FBXL14: variants seen among roughly 807,000 people sequenced by gnomAD.
FBXL14 encodes the protein F-box/LRR-repeat protein 14.
A neutral mutation model predicts 24.5 loss-of-function variants in FBXL14; 11 were observed. The ratio of observed to expected loss-of-function variants is 0.45; its 90% CI spans 0.28 to 0.74. The LOEUF is 0.74. Among genes scored for constraint, FBXL14 ranks in the 30% least tolerant of loss-of-function variants. FBXL14 has a pLI of 0.12. For missense variants in FBXL14, 384 were observed against 545.6 expected, an observed-to-expected ratio of 0.70 and a Z score of 2.95; for synonymous variants, 294 against 240.4, an observed-to-expected ratio of 1.22 and a Z score of -2.06.
At chr12:1,580,291 A>G (rs1032280020) in intron 1 of FBXL14, among the ~76,000 whole-genome samples, 1 of 152,184 alleles carries the variant, frequency 6.6e-6, no homozygotes, top group African/African-American at 2.4e-5. Context: ...AGGTTAATGA[A>G]TGGGTGCTCT....
Position 1,594,104 on chromosome 12 carries a change from G to C in FBXL14, c.-38C>G. The C allele has an allele frequency of 7.4e-7, 1 of 1,342,798 alleles. No individual in the cohort carries two copies. The highest frequency in any genetic ancestry group is 9.5e-7 in the Non-Finnish European group (1 of 1,051,964). 83.2% of individuals were successfully genotyped at this position (1,342,798 alleles called of 1,614,324 possible). On this transcript the variant is annotated 5_prime_UTR_variant, in exon 1 of 2. Coordinates refer to ENST00000339235, the MANE Select transcript of FBXL14 (RefSeq NM_152441.3). ...CCCTCCGCGGCGCTGGGGGGAGGAGGCGCGGGCCCCGCCGCTCCGGCCTCG... is the reference window on the plus strand; with the variant it reads ...CCCTCCGCGGCGCTGGGGGGAGGAGCCGCGGGCCCCGCCGCTCCGGCCTCG...
At position 1,579,023 on chromosome 12, in the gene FBXL14, C is replaced by T. The variant is rs553802283; in HGVS notation, c.1195-12213G>A. Among the ~76,000 whole-genome samples, 1 of 151,930 alleles carries T rather than the reference C, an allele frequency of 6.6e-6. No homozygotes were observed. The highest frequency in any genetic ancestry group is 1.5e-5 in the Non-Finnish European group (1 of 67,972). ...GGGACAAGGAGCAGGTGTGCCTCAG[C>T]GAGCCTGTCATTATCTGGGGAGGGG... On this transcript the variant is annotated intron_variant, in intron 1 of 1. Transcript: ENST00000339235. This position sits in a 1 kb window ranked among gnomAD's most constrained non-coding sequence, Gnocchi z 4.3.
rs1444445983 is a variant in FBXL14 at position 1,592,916 on chromosome 12, T to C, written c.1151A>G (p.Lys384Arg). ...CTGCCAGAGTCCCAGGTTGAGTACC[T>C]TGAGGCACGGCAGCTGCGTGATGCG... ...LERITQLPCL[K>R]VLNLGLWQMT... The change falls in exon 1 of 2, where the codon AAG becomes AGG. Residue 384 changes from lysine (K) to arginine (R), a missense_variant. Transcript: ENST00000339235. 3 of 1,605,036 alleles carry C rather than the reference T, an allele frequency of 1.9e-6. No individual in the cohort carries two copies. Among genetic ancestry groups the C allele is most frequent in the Non-Finnish European group, 2.6e-6 (3 of 1,174,084 alleles).
intron 1 of FBXL14, among the ~76,000 whole-genome samples, chr12:1,576,106 C>T (rs371012427): frequency 1.1e-3 from 167 of 152,266 alleles, no homozygotes; most frequent in African/African-American, 3.8e-3. Context: ...TTCCCACAAA[C>T]GCTTTATCTA....
intron 1 of FBXL14, among the ~76,000 whole-genome samples, chr12:1,577,328 CTCCT>C (rs1176151980): frequency 1.3e-5 from 2 of 152,058 alleles, no homozygotes; most frequent in Admixed American, 6.6e-5. Flanking sequence ...GATGTAGCCC[CTCCT>C]CGGGGGAGGG....
chr12:1,577,953 T>C (rs1470736199), intron 1 of FBXL14, among the ~76,000 whole-genome samples: 2 of 152,204 alleles, frequency 1.3e-5, no homozygotes, highest in African/African-American at 4.8e-5. Flanking sequence ...CCCCCTGTAG[T>C]TACCCCACCT....
chr12:1,577,010 G>C (rs555733429), intron 1 of FBXL14, among the ~76,000 whole-genome samples: 2 of 152,282 alleles, frequency 1.3e-5, no homozygotes, highest in East Asian at 3.9e-4. Context: ...TCTTAAAGTC[G>C]TCTTAGCTGT....
chr12:1,570,555 C>G (rs1358522645), intron 1 of FBXL14, among the ~76,000 whole-genome samples: 1 of 152,136 alleles, frequency 6.6e-6, no homozygotes, highest in Non-Finnish European at 1.5e-5. Context: ...TGAGCTGACG[C>G]TGATTTCACG....
At chr12:1,594,593 C>T (rs1351134440), upstream of FBXL14, among the ~76,000 whole-genome samples, 1 of 148,890 alleles carries the variant, frequency 6.7e-6, no homozygotes, top group Non-Finnish European at 1.5e-5. Flanking sequence ...AACCTCCCAG[C>T]CCCGGGCCGC....
intron 1 of FBXL14, among the ~76,000 whole-genome samples, chr12:1,573,425 T>C (rs1341065011): frequency 6.6e-6 from 1 of 152,190 alleles, no homozygotes; most frequent in African/African-American, 2.4e-5. Flanking sequence ...GGGTGCCTCG[T>C]AGAAGCTCAG....
chr12:1,572,150 T>C (rs988980052), intron 1 of FBXL14, among the ~76,000 whole-genome samples: 1 of 152,240 alleles, frequency 6.6e-6, no homozygotes, highest in Admixed American at 6.5e-5. Flanking sequence ...AAGTAGGATT[T>C]ACATGCAGAT....
intron 1 of FBXL14, among the ~76,000 whole-genome samples, chr12:1,584,878 A>G (rs2094473412): frequency 6.6e-6 from 1 of 152,200 alleles, no homozygotes. Flanking sequence ...TAAGGTTTAA[A>G]TTACTGAAAG....
intron 1 of FBXL14, among the ~76,000 whole-genome samples, chr12:1,568,886 T>C (rs1193611686): frequency 6.6e-6 from 1 of 151,978 alleles, no homozygotes; most frequent in Non-Finnish European, 1.5e-5. Context: ...TCATAGTGGG[T>C]CAAAAAATAA....
chr12:1,586,296 T>C (rs1426826372), intron 1 of FBXL14, among the ~76,000 whole-genome samples: 2 of 151,916 alleles, frequency 1.3e-5, no homozygotes, highest in African/African-American at 4.8e-5. Context: ...AAGTCCGAGA[T>C]TGTAGTGAGC....
At chr12:1,582,418 G>A (rs927864999) in intron 1 of FBXL14, among the ~76,000 whole-genome samples, 6 of 151,940 alleles carry the variant, frequency 3.9e-5, no homozygotes, top group African/African-American at 7.3e-5. Flanking sequence ...AGCCAGCCCC[G>A]TTTTCTTCTT....
rs867100224 is a variant in FBXL14, at chr12:1,567,980, A to T, written c.1195-1170T>A. Among the ~76,000 whole-genome samples the T allele has an allele frequency of 1.3e-5, 2 of 152,270 alleles. No homozygotes were observed. The highest frequency in any genetic ancestry group is 2.4e-5 in the African/African-American group (1 of 41,474). On this transcript the variant is annotated intron_variant, in intron 1 of 1. Coordinates refer to ENST00000339235, the MANE Select transcript of FBXL14 (RefSeq NM_152441.3). The surrounding 1 kb of genome is among the most constrained non-coding windows in gnomAD (Gnocchi z 4.8). ...TAGCATGTGTAATGGGAATACCAGG[A>T]GGAGGAGAAAGAAGAAATACTTGAA...
intron 1 of FBXL14, among the ~76,000 whole-genome samples, chr12:1,589,611 C>G (rs1484215229): frequency 6.6e-6 from 1 of 152,094 alleles, no homozygotes. Flanking sequence ...ATACCTGTTT[C>G]AGCAGGTTGC....
Position 1,592,765 on chromosome 12 carries a change from G to C in FBXL14, c.1194+108C>G, listed in dbSNP as rs2094493486. On this transcript the variant is annotated intron_variant, in intron 1 of 1. Transcript: ENST00000339235. Reference sequence around the variant, plus strand: ...CTTCTGTCATAGCCCCATCTCATCCGCTGCAATGATCTGTGCGTAAGTGTG... The same window carrying C: ...CTTCTGTCATAGCCCCATCTCATCCCCTGCAATGATCTGTGCGTAAGTGTG... 6.2e-6 allele frequency: 6 copies of C among 974,182 alleles called. No individual in the cohort carries two copies. The East Asian group carries it at 1.6e-4, about 26-fold the overall frequency. The allele number at this position is 974,182 out of a possible 1,614,324, so 60.3% of individuals were successfully genotyped here. A position where few individuals can be genotyped will look rare whatever the true frequency, so the allele number is the denominator to read the frequency against.
rs546871833 is a variant in FBXL14 at position 1,566,686 on chromosome 12, C to T, written c.*62G>A. The T allele has an allele frequency of 1.7e-5, 13 of 777,622 alleles. No individual in the cohort carries two copies. The East Asian group carries it at 2.2e-4, about 13-fold the overall frequency. 48.2% of individuals were successfully genotyped at this position (777,622 alleles called of 1,614,324 possible). ...GCTGTCATCACCAGAGTGCCGGAGG[C>T]GCAGAGCGGGCAAGTCTGGAAGTTA... On this transcript the variant is annotated 3_prime_UTR_variant, in exon 2 of 2. Coordinates refer to ENST00000339235, the MANE Select transcript of FBXL14 (RefSeq NM_152441.3).
Sources: allele counts gnomAD v4.1 joint callset (sites outside exome capture counted in the v4.1 genomes callset), GRCh38; gene constraint gnomAD v4.1.1; non-coding constraint Gnocchi (gnomAD v3.1); transcripts MANE v1.5; gene names NCBI Gene and HGNC (gene_info 2026-07-23, HGNC 2026-07-21).